FAM168B: variants seen among roughly 807,000 people sequenced by gnomAD.
The protein encoded by FAM168B is myelin-associated neurite-outgrowth inhibitor.
FAM168B carries 19 observed loss-of-function variants against 21.8 expected under a neutral mutation model. That is an observed-to-expected ratio of 0.87 (90% CI 0.61 to 1.28). FAM168B has a LOEUF of 1.28. Among genes scored for constraint, FAM168B ranks in the 50% most tolerant of loss-of-function variants. The pLI, the probability that FAM168B is intolerant of heterozygous loss-of-function variation, is 0.00. For synonymous variants in FAM168B, 126 were observed against 104.8 expected (o/e 1.20, Z -1.24); for missense variants, 233 against 263.1 (o/e 0.89, Z 0.79).
At chr2:131,075,106 T>A (rs936098324) in intron 2 of FAM168B, among the ~76,000 whole-genome samples, 2 of 151,878 alleles carry the variant, frequency 1.3e-5, no homozygotes, top group Non-Finnish European at 2.9e-5. Flanking sequence ...AGATTCAACT[T>A]CAAAGAGACC....
intron 3 of FAM168B, among the ~76,000 whole-genome samples, chr2:131,056,356 C>CA (rs773561839): frequency 5.3e-5 from 8 of 152,096 alleles, no homozygotes; most frequent in Non-Finnish European, 1.2e-4. Flanking sequence ...GAGAAGACAG[C>CA]ATGTTGAAGC....
intron 2 of FAM168B, among the ~76,000 whole-genome samples, chr2:131,077,230 A>C (rs1179307276): frequency 6.6e-6 from 1 of 152,036 alleles, no homozygotes; most frequent in Non-Finnish European, 1.5e-5. Context: ...AAAAAAAAAA[A>C]AAGAACAAGG....
In FAM168B at chr2:131,050,912, T is replaced by C; in HGVS notation, c.*1553A>G. Reference sequence around the variant, plus strand: ...GAGGCCGCTGAAAGGGACCCAGGCCTTACATCCCCCACCCCCACTCTGACC... The same window carrying C: ...GAGGCCGCTGAAAGGGACCCAGGCCCTACATCCCCCACCCCCACTCTGACC... On this transcript the variant is annotated 3_prime_UTR_variant, in exon 7 of 7. Transcript: ENST00000389915. 3.0e-6 allele frequency: 3 copies of C among 985,786 alleles called. No individual in the cohort carries two copies. The highest frequency in any genetic ancestry group is 3.6e-6 in the Non-Finnish European group (3 of 830,250). The allele number at this position is 985,786 out of a possible 1,614,324, so 61.1% of individuals were successfully genotyped here. A position where few individuals can be genotyped will look rare whatever the true frequency, so the allele number is the denominator to read the frequency against.
chr2:131,085,289 A>G (rs116484771), intron 1 of FAM168B, among the ~76,000 whole-genome samples: 2,654 of 152,286 alleles, frequency 0.017, 34 homozygotes, highest in Non-Finnish European at 0.028. Context: ...ATCTCTGAAA[A>G]ACATGTAATA....
At position 131,051,148 on chromosome 2, in the gene FAM168B, CA is replaced by C; in HGVS notation, c.*1316del. The stretch of plus-strand genomic sequence containing the variant: ...GCTTTGTGCCAAGTGCCCTCAGCTG[CA>C]AAAGAGATGGCAGGAGAGGCTCGCA... On this transcript the variant is annotated 3_prime_UTR_variant, in exon 7 of 7. Transcript: ENST00000389915. The C allele has an allele frequency of 1.0e-6, 1 of 985,402 alleles. No homozygotes were observed. Among genetic ancestry groups the C allele is most frequent in the Non-Finnish European group, 1.2e-6 (1 of 829,956 alleles). The allele number at this position is 985,402 out of a possible 1,614,324, so 61.0% of individuals were successfully genotyped here.
rs537616716 is a variant in FAM168B at position 131,055,710 on chromosome 2, G to T, written c.155-15C>A. The T allele has an allele frequency of 1.4e-5, 23 of 1,612,508 alleles. No individual in the cohort carries two copies. In the African/African-American group the frequency reaches 2.9e-4, roughly 21 times the overall value. On this transcript the variant is annotated splice_polypyrimidine_tract_variant and intron_variant, in intron 3 of 6. Transcript: ENST00000389915. The stretch of plus-strand genomic sequence containing the variant: ...AGGAGTGTAACCTGGAACAAAGAAG[G>T]CAATGGCCTGAGTTCACCCAAGCCG...
rs1691670316 is a variant in FAM168B, at chr2:131,051,436, A to G, written c.*1029T>C. 4.1e-6 allele frequency: 4 copies of G among 985,218 alleles called. No homozygotes were observed. The South Asian group carries it at 1.4e-4, about 35-fold the overall frequency. 61.0% of individuals were successfully genotyped at this position (985,218 alleles called of 1,614,324 possible). On this transcript the variant is annotated 3_prime_UTR_variant, in exon 7 of 7. Coordinates refer to ENST00000389915, the MANE Select transcript of FAM168B (RefSeq NM_001009993.4). ...ACCTTTGCCCTTCTTTGTTGGGGAAAAACAGCAATGCCTACCTGTTTTCAG... is the reference window on the plus strand; with the variant it reads ...ACCTTTGCCCTTCTTTGTTGGGGAAGAACAGCAATGCCTACCTGTTTTCAG...
chr2:131,087,726 T>C (rs1200863130), intron 1 of FAM168B, among the ~76,000 whole-genome samples: 1 of 152,156 alleles, frequency 6.6e-6, no homozygotes, highest in Non-Finnish European at 1.5e-5. Context: ...AAGAAGCTCC[T>C]GAGCAACTCT....
chr2:131,093,381 G>C lies in FAM168B; in HGVS notation c.-179C>G, dbSNP rs1694139095. The C allele has an allele frequency of 6.6e-6, 1 of 150,740 alleles. No homozygotes were observed. Among genetic ancestry groups the C allele is most frequent in the Non-Finnish European group, 1.5e-5 (1 of 67,534 alleles). 9.3% of individuals were successfully genotyped at this position (150,740 alleles called of 1,614,324 possible). A position where few individuals can be genotyped will look rare whatever the true frequency, so the allele number is the denominator to read the frequency against. The stretch of plus-strand genomic sequence containing the variant: ...CCTCCCGGACGCCGCGCTCCCGCTC[G>C]CTCGGCTCCGCTTGGCCCGGCCCGC... On this transcript the variant is annotated 5_prime_UTR_variant, in exon 1 of 7. Transcript: ENST00000389915.
At chr2:131,072,732 C>T (rs752411242) in intron 2 of FAM168B, among the ~76,000 whole-genome samples, 1 of 152,314 alleles carries the variant, frequency 6.6e-6, no homozygotes, top group South Asian at 2.1e-4. Flanking sequence ...GCTGGGATTA[C>T]AGGCATAAGC....
chr2:131,067,132 G>A (rs1319127999), intron 3 of FAM168B, among the ~76,000 whole-genome samples: 1 of 152,124 alleles, frequency 6.6e-6, no homozygotes, highest in Non-Finnish European at 1.5e-5. Context: ...GATTACAGGA[G>A]CTACAATTCA....
intron 5 of FAM168B, 78 bp from the exon 6 acceptor site, chr2:131,053,093 GC>G: frequency 6.9e-7 from 1 of 1,455,898 alleles, no homozygotes; most frequent in Non-Finnish European, 9.1e-7. Context: ...CACAAGCCTG[GC>G]CTCTTTGCAA....
chr2:131,058,139 G>A (rs1397432840), intron 3 of FAM168B, among the ~76,000 whole-genome samples: 2 of 152,052 alleles, frequency 1.3e-5, no homozygotes, highest in Admixed American at 1.3e-4. Context: ...TATGTGCCTG[G>A]TCCATATATT....
At chr2:131,062,023 G>A (rs1692327398) in intron 3 of FAM168B, among the ~76,000 whole-genome samples, 2 of 152,056 alleles carry the variant, frequency 1.3e-5, no homozygotes, top group Admixed American at 6.6e-5. Context: ...GAAAGAATGA[G>A]AAGAAAAAGG....
At chr2:131,076,222 T>C (rs1340350488) in intron 2 of FAM168B, among the ~76,000 whole-genome samples, 3 of 152,172 alleles carry the variant, frequency 2.0e-5, no homozygotes, top group African/African-American at 7.2e-5. Context: ...ATTCCTGATC[T>C]TTCTGGGTAC....
At chr2:131,091,288 G>A (rs1423137422) in intron 1 of FAM168B, among the ~76,000 whole-genome samples, 4 of 151,828 alleles carry the variant, frequency 2.6e-5, no homozygotes, top group Admixed American at 1.3e-4. Flanking sequence ...GCAGTGAGCC[G>A]AGATCACTCC....
chr2:131,090,743 G>C (rs1693976233), intron 1 of FAM168B, among the ~76,000 whole-genome samples: 1 of 151,976 alleles, frequency 6.6e-6, no homozygotes, highest in South Asian at 2.1e-4. Flanking sequence ...CAAATTTTTT[G>C]TTTGAGATGG....
At chr2:131,092,566 T>C (rs1694088400) in intron 1 of FAM168B, among the ~76,000 whole-genome samples, 1 of 152,210 alleles carries the variant, frequency 6.6e-6, no homozygotes, top group Non-Finnish European at 1.5e-5. Flanking sequence ...AAAATATTCT[T>C]GTTTGACTTT....
chr2:131,069,568 A>G (rs1327679390), intron 3 of FAM168B, among the ~76,000 whole-genome samples: 1 of 151,392 alleles, frequency 6.6e-6, no homozygotes, highest in Non-Finnish European at 1.5e-5. Flanking sequence ...ATCTCGGCTC[A>G]CTGCAAGCTC....
Sources: gnomAD v4.1 joint callset for allele counts (sites outside exome capture counted in the v4.1 genomes callset) on GRCh38, gnomAD v4.1.1 for gene constraint, MANE v1.5 for transcripts, NCBI Gene and HGNC (gene_info 2026-07-23, HGNC 2026-07-21) for gene names.